The following MCC variants were observed in gnomAD, a reference collection of about 807,000 sequenced individuals.
MCC encodes colorectal mutant cancer protein.
In MCC, 90 loss-of-function variants were observed where a neutral mutation model predicts 116.2. The observed-to-expected ratio is 0.77, with a 90% CI of 0.65 to 0.92. MCC has a LOEUF of 0.92. MCC is among the 40% of genes least tolerant of loss of function. The probability of loss-of-function intolerance (pLI) is 0.00; values close to 1 mark genes in which losing one functional copy is unlikely to be tolerated. For missense variants in MCC, 1,516 were observed against 1,312.2 expected (o/e 1.16, Z -2.40); for synonymous variants, 578 against 510.5 (o/e 1.13, Z -1.78).
intron 3 of MCC, among the ~76,000 whole-genome samples, chr5:113,311,834 G>A (rs544401705): frequency 4.6e-5 from 7 of 151,952 alleles, no homozygotes; most frequent in Admixed American, 2.6e-4. Context: ...TAGGCTGGGC[G>A]CGGTGGCTGA....
chr5:113,293,286 A>G (rs1436622791), intron 3 of MCC, among the ~76,000 whole-genome samples: 1 of 148,620 alleles, frequency 6.7e-6, no homozygotes, highest in Non-Finnish European at 1.5e-5. Context: ...TTTTCCCTTC[A>G]CCATTGGTAG....
chr5:113,218,595 G>A (rs1408983398), intron 3 of MCC, among the ~76,000 whole-genome samples: 5 of 152,182 alleles, frequency 3.3e-5, no homozygotes, highest in African/African-American at 1.2e-4. Context: ...AAGTACGGGT[G>A]TATTTCAATT....
chr5:113,147,816 G>A (rs541725255), intron 4 of MCC, among the ~76,000 whole-genome samples: 7 of 152,218 alleles, frequency 4.6e-5, no homozygotes, highest in Non-Finnish European at 1.0e-4. Context: ...GGAATGAGGC[G>A]ACCCTAACAA....
At chr5:113,218,231 C>G (rs1296586827) in intron 3 of MCC, among the ~76,000 whole-genome samples, 2 of 152,130 alleles carry the variant, frequency 1.3e-5, no homozygotes, top group Admixed American at 1.3e-4. Context: ...ATAAATAACT[C>G]TAAATGTGTG....
At chr5:113,147,424 T>A (rs965040595) in intron 4 of MCC, among the ~76,000 whole-genome samples, 2 of 152,150 alleles carry the variant, frequency 1.3e-5, no homozygotes, top group Non-Finnish European at 2.9e-5. Context: ...TTTATCTTAC[T>A]CCACCGAGGC....
chr5:113,400,984 A>G (rs917366672), intron 1 of MCC, among the ~76,000 whole-genome samples: 2 of 152,342 alleles, frequency 1.3e-5, no homozygotes, highest in Non-Finnish European at 2.9e-5. Context: ...CCAGATCCAA[A>G]CATTATGTAA....
At chr5:113,241,431 A>G (rs1457598366) in intron 3 of MCC, among the ~76,000 whole-genome samples, 3 of 152,238 alleles carry the variant, frequency 2.0e-5, no homozygotes, top group East Asian at 3.8e-4. Flanking sequence ...GGAGATACCA[A>G]GAAAAATAAT....
At chr5:113,261,970 A>G (rs10478115) in intron 3 of MCC, among the ~76,000 whole-genome samples, 4,182 of 152,310 alleles carry the variant, frequency 0.027, 204 homozygotes, top group African/African-American at 0.093. Flanking sequence ...AAAAATTCCA[A>G]TAGTCTATGT....
At chr5:113,057,096 A>C (rs1752883711) in intron 14 of MCC, among the ~76,000 whole-genome samples, 1 of 152,222 alleles carries the variant, frequency 6.6e-6, no homozygotes, top group Admixed American at 6.5e-5. Flanking sequence ...CAATCTAGGC[A>C]GGGAGTGCGG....
intron 3 of MCC, chr5:113,204,707 C>T (rs1762835271): frequency 6.6e-6 from 1 of 152,176 alleles, no homozygotes. Context: ...AGCGAAGAGC[C>T]ATTCCAAAGC....
chr5:113,057,782 T>G (rs554529075), intron 14 of MCC, among the ~76,000 whole-genome samples: 4 of 152,330 alleles, frequency 2.6e-5, no homozygotes, highest in East Asian at 1.9e-4. Context: ...AACACTGATG[T>G]GGAGGGACAG....
At chr5:113,362,071 A>T (rs1768562270) in intron 2 of MCC, among the ~76,000 whole-genome samples, 1 of 152,194 alleles carries the variant, frequency 6.6e-6, no homozygotes, top group African/African-American at 2.4e-5. Flanking sequence ...ACCCTCATAT[A>T]TCTATGTCTA....
chr5:113,040,283 G>A (rs993627862), intron 17 of MCC, among the ~76,000 whole-genome samples: 1 of 151,978 alleles, frequency 6.6e-6, no homozygotes, highest in Non-Finnish European at 1.5e-5. Flanking sequence ...CCAGGTAAGG[G>A]GAGGTTGGGT....
chr5:113,144,517 C>A (rs1213100743), intron 4 of MCC, among the ~76,000 whole-genome samples: 1 of 152,210 alleles, frequency 6.6e-6, no homozygotes, highest in Non-Finnish European at 1.5e-5. Context: ...CACCCGCTAC[C>A]TCCCCTGTCC....
At chr5:113,146,522 G>C (rs1041451129) in intron 4 of MCC, among the ~76,000 whole-genome samples, 7 of 151,876 alleles carry the variant, frequency 4.6e-5, no homozygotes, top group African/African-American at 1.4e-4. Context: ...AAGAGAGCTA[G>C]GAAAGCCCAA....
At chr5:113,065,476 A>C (rs1753539831) in intron 13 of MCC, among the ~76,000 whole-genome samples, 1 of 152,222 alleles carries the variant, frequency 6.6e-6, no homozygotes, top group African/African-American at 2.4e-5. Context: ...TTTTAAATGA[A>C]ATCTTACACC....
chr5:113,266,853 A>G (rs1325232065), intron 3 of MCC, among the ~76,000 whole-genome samples: 1 of 152,204 alleles, frequency 6.6e-6, no homozygotes, highest in Non-Finnish European at 1.5e-5. Flanking sequence ...AAGATTAGGT[A>G]TCAGGCTCAA....
chr5:113,290,769 G>A (rs967353783), intron 3 of MCC, among the ~76,000 whole-genome samples: 1 of 152,100 alleles, frequency 6.6e-6, no homozygotes, highest in Non-Finnish European at 1.5e-5. Flanking sequence ...GTGGCCATTC[G>A]GCTTCTTGAT....
intron 14 of MCC, among the ~76,000 whole-genome samples, chr5:113,061,515 T>A (rs1314758777): frequency 1.3e-5 from 2 of 152,168 alleles, no homozygotes; most frequent in Non-Finnish European, 2.9e-5. Context: ...TATTATACTT[T>A]CTGATGAGGC....
Sources: allele counts gnomAD v4.1 joint callset (sites outside exome capture counted in the v4.1 genomes callset), GRCh38; gene constraint gnomAD v4.1.1; transcripts MANE v1.5; gene names NCBI Gene and HGNC (gene_info 2026-07-23, HGNC 2026-07-21).